HHAT: variants seen among roughly 807,000 people sequenced by gnomAD.
The protein encoded by HHAT is hedgehog acyltransferase, also known as protein-cysteine N-palmitoyltransferase HHAT.
Under a neutral mutation model 70.8 loss-of-function variants are expected in HHAT, and 47 were observed. That is an observed-to-expected ratio of 0.66 (90% CI 0.53 to 0.85). The LOEUF is 0.85. Ranked by LOEUF, HHAT falls within the 40% of genes least tolerant of loss-of-function variation. The probability of loss-of-function intolerance (pLI) is 0.00; values close to 1 mark genes in which losing one functional copy is unlikely to be tolerated. For synonymous variants in HHAT, 228 were observed against 247.6 expected (o/e 0.92, Z 0.74); for missense variants, 609 against 604.8 (o/e 1.01, Z -0.07).
intron 8 of HHAT, among the ~76,000 whole-genome samples, chr1:210,512,468 A>G (rs2094972711): frequency 1.3e-5 from 2 of 151,814 alleles, no homozygotes; most frequent in Non-Finnish European, 1.5e-5. Flanking sequence ...TGAGCCCATG[A>G]GTTTGAGACA....
At chr1:210,618,042 A>G (rs1431192086) in intron 10 of HHAT, among the ~76,000 whole-genome samples, 1 of 152,184 alleles carries the variant, frequency 6.6e-6, no homozygotes, top group Non-Finnish European at 1.5e-5. Flanking sequence ...GTAGTTGAGA[A>G]ACGGTCCTGC....
intron 9 of HHAT, among the ~76,000 whole-genome samples, chr1:210,587,291 A>G (rs1309739337): frequency 6.6e-6 from 1 of 152,228 alleles, no homozygotes; most frequent in East Asian, 1.9e-4. Flanking sequence ...AAGGAGAAGC[A>G]AAGGCACATC....
chr1:210,619,307 G>T (rs577484192), intron 10 of HHAT, among the ~76,000 whole-genome samples: 1 of 152,236 alleles, frequency 6.6e-6, no homozygotes, highest in African/African-American at 2.4e-5. Flanking sequence ...TGGATTTCAG[G>T]AGTGTCAGGG....
At chr1:210,536,575 G>A (rs2148649767) in intron 9 of HHAT, among the ~76,000 whole-genome samples, 1 of 152,326 alleles carries the variant, frequency 6.6e-6, no homozygotes, top group African/African-American at 2.4e-5. Context: ...GAACAATATG[G>A]GAGAATCTGT....
intron 7 of HHAT, among the ~76,000 whole-genome samples, chr1:210,419,215 G>A (rs914701264): frequency 2.0e-5 from 3 of 152,164 alleles, no homozygotes; most frequent in Non-Finnish European, 2.9e-5. Context: ...CATTGAGGGT[G>A]TACCTTGTAC....
intron 8 of HHAT, among the ~76,000 whole-genome samples, chr1:210,480,507 G>T (rs1013698918): frequency 2.6e-5 from 4 of 152,202 alleles, no homozygotes; most frequent in African/African-American, 9.7e-5. Flanking sequence ...GCTTACATGG[G>T]CAACTCTATG....
chr1:210,514,570 A>C (rs1247122134), intron 9 of HHAT, among the ~76,000 whole-genome samples: 2 of 151,912 alleles, frequency 1.3e-5, no homozygotes, highest in Non-Finnish European at 2.9e-5. Context: ...TACTCTTCTT[A>C]TTTTTTCTAG....
intron 10 of HHAT, among the ~76,000 whole-genome samples, chr1:210,599,045 G>C (rs188251626): frequency 6.6e-6 from 1 of 152,170 alleles, no homozygotes; most frequent in Non-Finnish European, 1.5e-5. Context: ...GCTGAGTGCT[G>C]TAAATAGGAA....
upstream of HHAT, among the ~76,000 whole-genome samples, chr1:210,327,678 G>A (rs895783015): frequency 6.0e-5 from 9 of 149,380 alleles, no homozygotes; most frequent in African/African-American, 2.2e-4. Context: ...GCTAATTTTT[G>A]TATTTTTAGT....
At chr1:210,546,254 T>C (rs61828129) in intron 9 of HHAT, among the ~76,000 whole-genome samples, 28,732 of 152,232 alleles carry the variant, frequency 0.19, 3,309 homozygotes, top group Middle Eastern at 0.29. Context: ...ATAGTTTACC[T>C]GAATGTGATG....
chr1:210,609,280 G>T (rs1350036048), intron 10 of HHAT, among the ~76,000 whole-genome samples: 1 of 151,926 alleles, frequency 6.6e-6, no homozygotes, highest in Non-Finnish European at 1.5e-5. Context: ...AATCTCCAAA[G>T]ATTTAAAAAT....
At chr1:210,626,089 A>G (rs1488828643) in intron 11 of HHAT, among the ~76,000 whole-genome samples, 1 of 152,214 alleles carries the variant, frequency 6.6e-6, no homozygotes, top group African/African-American at 2.4e-5. Context: ...GTGGGGGTCA[A>G]GGGCGTAAAG....
chr1:210,486,743 C>G (rs557936885), intron 8 of HHAT, among the ~76,000 whole-genome samples: 16 of 152,142 alleles, frequency 1.1e-4, no homozygotes, highest in Non-Finnish European at 1.8e-4. Context: ...TCTAAAAACT[C>G]AAGAATCAAG....
chr1:210,540,470 C>T (rs1038707458), intron 9 of HHAT, among the ~76,000 whole-genome samples: 8 of 94,040 alleles, frequency 8.5e-5, no homozygotes, highest in East Asian at 4.0e-4. Flanking sequence ...CACACACACA[C>T]GCACACACAT....
chr1:210,434,430 ACTGAGCAG>A (rs2093327757), intron 7 of HHAT, among the ~76,000 whole-genome samples: 1 of 151,896 alleles, frequency 6.6e-6, no homozygotes, highest in Admixed American at 6.5e-5. Context: ...GGAAGAGGGT[ACTGAGCAG>A]CTCCTTTCCA....
intron 9 of HHAT, among the ~76,000 whole-genome samples, chr1:210,575,715 G>A (rs12568443): frequency 0.2 from 30,877 of 152,110 alleles, 3,290 homozygotes; most frequent in Non-Finnish European, 0.24. Context: ...GCAGTCTCTG[G>A]TGTGAAGATT....
chr1:210,620,190 G>A (rs185996784), intron 10 of HHAT, among the ~76,000 whole-genome samples: 8 of 152,328 alleles, frequency 5.3e-5, no homozygotes, highest in African/African-American at 9.6e-5. Context: ...TAGAGATTCC[G>A]AAAGTTAGAT....
rs1192626068 is a variant in HHAT at position 210,577,637 on chromosome 1, A to ATTTTTT, written c.1044-10239_1044-10234dup. 3.5e-4 allele frequency among the ~76,000 whole-genome samples: 21 copies of ATTTTTT among 60,254 alleles called. 3 individuals carry two copies. The highest frequency in any genetic ancestry group is 4.7e-4 in the African/African-American group (7 of 14,748). The allele number at this position is 60,254 out of a possible 152,430, so 39.5% of individuals were successfully genotyped here. On this transcript the variant is annotated intron_variant, in intron 9 of 11. Coordinates refer to ENST00000261458, the MANE Select transcript of HHAT (RefSeq NM_018194.6). ...TGCATTAGGGATATTGGCCTGTAGGATTTTTTTTTTTTTTTTTTTTTTTTT... is the reference window on the plus strand; with the variant it reads ...TGCATTAGGGATATTGGCCTGTAGGATTTTTTTTTTTTTTTTTTTTTTTTTTTTTTT...
intron 10 of HHAT, among the ~76,000 whole-genome samples, chr1:210,611,875 A>C (rs982537184): frequency 1.3e-5 from 2 of 152,146 alleles, no homozygotes; most frequent in Non-Finnish European, 2.9e-5. Context: ...TGTGGTGCAT[A>C]AGCTTTTTGA....
Sources: gnomAD v4.1 joint callset for allele counts (sites outside exome capture counted in the v4.1 genomes callset) on GRCh38, gnomAD v4.1.1 for gene constraint, MANE v1.5 for transcripts, NCBI Gene and HGNC (gene_info 2026-07-23, HGNC 2026-07-21) for gene names.